TTLL13: variants seen among roughly 807,000 people sequenced by gnomAD.
The protein encoded by TTLL13 is tubulin tyrosine ligase like 13, also known as tubulin polyglutamylase TTLL13.
At chr15:90,264,906 C>G in the TTLL13 span, 2 of 1,536,064 alleles carry the variant, frequency 1.3e-6, no homozygotes, top group Non-Finnish European at 1.7e-6. Flanking sequence ...CCCCTCTGCC[C>G]TGCGTCTGCA....
chr15:90,251,368 C>G, the TTLL13 span, among the ~76,000 whole-genome samples: 550 of 147,666 alleles, frequency 3.7e-3, 3 homozygotes, highest in African/African-American at 0.012. Flanking sequence ...TTGTGATCCA[C>G]CCGCCTCGGC....
the TTLL13 span, chr15:90,261,918 G>T: frequency 1.8e-6 from 2 of 1,103,952 alleles, no homozygotes; most frequent in Non-Finnish European, 2.4e-6. Flanking sequence ...AAGCCAGCAG[G>T]AGGGTCTCCA....
the TTLL13 span, chr15:90,262,069 C>T: frequency 6.5e-7 from 1 of 1,535,998 alleles, no homozygotes. Flanking sequence ...AGGATTCTCA[C>T]CTGGGAAAAT....
the TTLL13 span, chr15:90,253,261 C>T: frequency 1.2e-6 from 2 of 1,613,732 alleles, no homozygotes; most frequent in East Asian, 2.2e-5. Context: ...CGTCGGGCAG[C>T]CCAAATGTGT....
chr15:90,262,780 A>C, the TTLL13 span: 4 of 1,231,226 alleles, frequency 3.2e-6, no homozygotes, highest in African/African-American at 6.1e-5. Context: ...GAGAGAGAGG[A>C]GTTCCTAATC....
the TTLL13 span, chr15:90,257,871 C>CT: frequency 3.2e-6 from 3 of 943,420 alleles, no homozygotes; most frequent in Non-Finnish European, 4.8e-6. Flanking sequence ...CTTTGGAGCT[C>CT]TAAGTGCAGC....
chr15:90,261,978 C>A, the TTLL13 span: 2 of 1,514,126 alleles, frequency 1.3e-6, no homozygotes, highest in Non-Finnish European at 1.8e-6. Context: ...CAGCCCTACT[C>A]TTGACTCACT....
the TTLL13 span, chr15:90,257,668 C>T: frequency 6.2e-7 from 1 of 1,614,220 alleles, no homozygotes; most frequent in Non-Finnish European, 8.5e-7. Flanking sequence ...ACCAACTATG[C>T]TATCAACAAA....
the TTLL13 span, chr15:90,255,969 T>A: frequency 6.3e-7 from 1 of 1,598,214 alleles, no homozygotes; most frequent in Admixed American, 1.7e-5. Flanking sequence ...GACCTAGGAA[T>A]GTCTCAGAGG....
chr15:90,258,935 A>G, the TTLL13 span: 4 of 1,614,176 alleles, frequency 2.5e-6, no homozygotes, highest in East Asian at 4.5e-5. Flanking sequence ...TAGGTGTGCT[A>G]GGTGTCTGGC....
the TTLL13 span, among the ~76,000 whole-genome samples, chr15:90,252,593 A>G: frequency 3.3e-5 from 5 of 152,320 alleles, no homozygotes; most frequent in Non-Finnish European, 7.4e-5. Flanking sequence ...TCCTTCCCCT[A>G]ATATTCCCTC....
At chr15:90,265,081 C>A in the TTLL13 span, 402 of 1,345,684 alleles carry the variant, frequency 3.0e-4, 1 homozygote, top group Middle Eastern at 2.0e-4. Flanking sequence ...AAAGCCCTGC[C>A]CAGGAACCCC....
chr15:90,264,808 T>C, the TTLL13 span: 1 of 1,536,104 alleles, frequency 6.5e-7, no homozygotes, highest in South Asian at 1.2e-5. Context: ...AGGGCTATTT[T>C]CTGCAACCGG....
At chr15:90,256,017 A>C in the TTLL13 span, 1 of 1,560,442 alleles carries the variant, frequency 6.4e-7, no homozygotes, top group Non-Finnish European at 8.7e-7. Context: ...CTGGTCAAAG[A>C]AAAGAGGGTC....
At chr15:90,257,959 T>TA in the TTLL13 span, 1 of 1,362,186 alleles carries the variant, frequency 7.3e-7, no homozygotes, top group Admixed American at 1.9e-5. Context: ...CAATTAGCGT[T>TA]AGTGTGAGGG....
chr15:90,251,524 T>G, the TTLL13 span: 1 of 1,607,970 alleles, frequency 6.2e-7, no homozygotes, highest in Non-Finnish European at 8.5e-7. Flanking sequence ...CCTCCCACTC[T>G]TCCTGATTTA....
At chr15:90,259,120 T>C in the TTLL13 span, 6 of 1,333,464 alleles carry the variant, frequency 4.5e-6, no homozygotes, top group South Asian at 7.5e-5. Context: ...CCCAGCACTT[T>C]GGGAGGCTGA....
At chr15:90,255,742 G>C in the TTLL13 span, 1 of 1,614,120 alleles carries the variant, frequency 6.2e-7, no homozygotes, top group East Asian at 2.2e-5. Context: ...CATACTAACT[G>C]GCTGTGTTTC....
At chr15:90,262,547 A>G in the TTLL13 span, 1 of 1,531,618 alleles carries the variant, frequency 6.5e-7, no homozygotes, top group Non-Finnish European at 8.7e-7. Context: ...CTCGGGCACT[A>G]AGAGGCAAAA....
Sources: allele counts gnomAD v4.1 joint callset (sites outside exome capture counted in the v4.1 genomes callset), GRCh38; gene constraint gnomAD v4.1.1; transcripts MANE v1.5; gene names NCBI Gene and HGNC (gene_info 2026-07-23, HGNC 2026-07-21).